The following KLF8 variants were observed in gnomAD, a reference collection of about 807,000 sequenced individuals.
KLF8 encodes Krueppel-like factor 8.
In KLF8, 10 loss-of-function variants were observed where a neutral mutation model predicts 18.2. The ratio of observed to expected loss-of-function variants is 0.55; its 90% CI spans 0.34 to 0.93. The LOEUF is 0.93. KLF8 is among the 40% of genes least tolerant of loss of function. The probability of loss-of-function intolerance (pLI) is 0.02; values close to 1 mark genes in which losing one functional copy is unlikely to be tolerated. For missense variants in KLF8, 264 were observed against 277.9 expected (o/e 0.95, Z 0.36); for synonymous variants, 109 against 97.3 (o/e 1.12, Z -0.71).
chrX:56,235,128 T>C (rs1244001327), intron 1 of KLF8, among the ~76,000 whole-genome samples: 1 of 110,744 alleles, frequency 9.0e-6, no homozygotes, highest in Admixed American at 9.7e-5. Context: ...ATTGGCTAAG[T>C]GAATTCCAAT....
At chrX:56,032,287 T>G in the KLF8 span, among the ~76,000 whole-genome samples, 1 of 112,007 alleles carries the variant, frequency 8.9e-6, no homozygotes, top group Admixed American at 9.4e-5. Context: ...AATATTTGTT[T>G]TATTTGGTTT....
At chrX:56,189,538 A>G in the KLF8 span, among the ~76,000 whole-genome samples, 4 of 111,313 alleles carry the variant, frequency 3.6e-5, no homozygotes. Flanking sequence ...CCAAAGGACT[A>G]TAAATCATGC....
chrX:55,923,166 G>T, the KLF8 span, among the ~76,000 whole-genome samples: 5 of 110,580 alleles, frequency 4.5e-5, no homozygotes, highest in African/African-American at 6.6e-5. Flanking sequence ...ATAAGATCAC[G>T]TCCTTTGCAG....
the KLF8 span, among the ~76,000 whole-genome samples, chrX:56,117,915 G>C: frequency 9.0e-6 from 1 of 111,632 alleles, no homozygotes; most frequent in African/African-American, 3.3e-5. Flanking sequence ...AGGCTGGGAA[G>C]TCTAAAATCA....
chrX:56,165,880 T>C, the KLF8 span, among the ~76,000 whole-genome samples: 1 of 110,177 alleles, frequency 9.1e-6, no homozygotes, highest in African/African-American at 3.3e-5. Flanking sequence ...AAAAGCCTTC[T>C]TGAATATCAC....
At chrX:56,161,370 C>T in the KLF8 span, among the ~76,000 whole-genome samples, 1 of 111,930 alleles carries the variant, frequency 8.9e-6, no homozygotes, top group African/African-American at 3.2e-5. Context: ...TGTTTTCCAA[C>T]TTGGTTCCAT....
chrX:56,188,831 A>G, the KLF8 span, among the ~76,000 whole-genome samples: 3 of 112,257 alleles, frequency 2.7e-5, no homozygotes, highest in African/African-American at 9.7e-5. Context: ...AGAAAGCTGA[A>G]ACTGGATCCC....
At chrX:56,188,380 A>G in the KLF8 span, among the ~76,000 whole-genome samples, 1 of 111,669 alleles carries the variant, frequency 9.0e-6, no homozygotes, top group Non-Finnish European at 1.9e-5. Flanking sequence ...AGGATACAAA[A>G]AAATGGTAGA....
the KLF8 span, among the ~76,000 whole-genome samples, chrX:56,105,345 G>A: frequency 1.8e-5 from 2 of 111,377 alleles, no homozygotes; most frequent in Non-Finnish European, 3.8e-5. Flanking sequence ...TTGTGTGGAA[G>A]TCTAAGTCTC....
At chrX:56,131,777 A>G in the KLF8 span, among the ~76,000 whole-genome samples, 6 of 111,731 alleles carry the variant, frequency 5.4e-5, no homozygotes, top group Non-Finnish European at 1.1e-4. Context: ...AACTTAAGGT[A>G]AAAGGGTGGA....
the KLF8 span, among the ~76,000 whole-genome samples, chrX:55,940,372 G>A: frequency 1.1e-3 from 121 of 111,373 alleles, no homozygotes; most frequent in Admixed American, 2.0e-3. Flanking sequence ...TTGATGGGAC[G>A]TATCTCAAAA....
At chrX:55,962,487 A>C in the KLF8 span, 1 of 206,085 alleles carries the variant, frequency 4.9e-6, no homozygotes, top group South Asian at 7.7e-5. Flanking sequence ...AAGTAATATC[A>C]CTGGTGCAAG....
chrX:56,048,445 T>C, the KLF8 span, among the ~76,000 whole-genome samples: 1 of 111,991 alleles, frequency 8.9e-6, no homozygotes, highest in Non-Finnish European at 1.9e-5. Context: ...AATTTTTGTA[T>C]AAGGTGTAAG....
intron 2 of KLF8, among the ~76,000 whole-genome samples, chrX:56,250,506 CAT>C (rs2066693372): frequency 9.0e-6 from 1 of 111,630 alleles, no homozygotes; most frequent in South Asian, 3.8e-4. Flanking sequence ...CTAAAAGAAA[CAT>C]AGCCTCTGGA....
the KLF8 span, among the ~76,000 whole-genome samples, chrX:55,966,283 A>G: frequency 1.2e-4 from 13 of 112,335 alleles, no homozygotes; most frequent in African/African-American, 3.9e-4. Flanking sequence ...TTAGCTAGGT[A>G]GTGGTTATGG....
At chrX:56,176,161 A>G in the KLF8 span, among the ~76,000 whole-genome samples, 2 of 111,624 alleles carry the variant, frequency 1.8e-5, no homozygotes, top group East Asian at 2.8e-4. Flanking sequence ...TTAGCTGGTT[A>G]TTTTGCTCAT....
chrX:56,200,319 A>G, the KLF8 span, among the ~76,000 whole-genome samples: 3 of 111,052 alleles, frequency 2.7e-5, no homozygotes, highest in African/African-American at 9.8e-5. Context: ...GTGAACCAAT[A>G]AAGAGTCTAA....
At chrX:56,154,535 T>C in the KLF8 span, among the ~76,000 whole-genome samples, 1 of 111,909 alleles carries the variant, frequency 8.9e-6, no homozygotes, top group African/African-American at 3.3e-5. Flanking sequence ...ATTCAGGACA[T>C]AGGCATGGGC....
the KLF8 span, among the ~76,000 whole-genome samples, chrX:56,165,983 GA>G: frequency 9.0e-6 from 1 of 111,194 alleles, no homozygotes; most frequent in African/African-American, 3.3e-5. Context: ...ACTTTTGCTT[GA>G]AAACTCAAAT....
Sources: allele counts gnomAD v4.1 joint callset (sites outside exome capture counted in the v4.1 genomes callset), GRCh38; gene constraint gnomAD v4.1.1; transcripts MANE v1.5; gene names NCBI Gene and HGNC (gene_info 2026-07-23, HGNC 2026-07-21).